GFRA1: variants seen among roughly 807,000 people sequenced by gnomAD.
The protein encoded by GFRA1 is GDNF family receptor alpha 1.
A neutral mutation model predicts 51.6 loss-of-function variants in GFRA1; 16 were observed. The observed-to-expected ratio is 0.31, with a 90% CI of 0.21 to 0.47. The LOEUF is 0.47. Ranked by LOEUF, GFRA1 falls within the 20% of genes least tolerant of loss-of-function variation. The probability of loss-of-function intolerance (pLI) is 1.00; values close to 1 mark genes in which losing one functional copy is unlikely to be tolerated. For synonymous variants in GFRA1, 270 were observed against 241.3 expected (o/e 1.12, Z -1.10); for missense variants, 530 against 594.3 (o/e 0.89, Z 1.13).
At position 116,223,071 on chromosome 10, in the gene GFRA1, C is replaced by A. The variant is rs575864974; in HGVS notation, c.419-11426G>T. Among the ~76,000 whole-genome samples, 35 of 152,144 alleles carry A rather than the reference C, an allele frequency of 2.3e-4. No individual in the cohort carries two copies. The South Asian group carries it at 5.8e-3, about 25-fold the overall frequency. On this transcript the variant is annotated intron_variant, in intron 4 of 10. Transcript: ENST00000355422. ...ATATAAGGGGTCCTGGAATCAATAG[C>A]CCGTGGATACTGAGGAATGACTATA...
rs1160088690 is a variant in GFRA1 at position 116,272,117 on chromosome 10, C to A, written c.-88G>T. On this transcript the variant is annotated 5_prime_UTR_variant, in exon 2 of 11. Coordinates refer to ENST00000355422, the MANE Select transcript of GFRA1 (RefSeq NM_005264.8). This position sits in a 1 kb window ranked among gnomAD's most constrained non-coding sequence, Gnocchi z 4.4. ...CCGAGGGAGCTCAGCGTGCAGCGATCCCCGGACAGCTGTGCTGCTCTGGCC... is the reference window on the plus strand; with the variant it reads ...CCGAGGGAGCTCAGCGTGCAGCGATACCCGGACAGCTGTGCTGCTCTGGCC... 2 of 1,112,050 alleles carry A rather than the reference C, an allele frequency of 1.8e-6. No homozygotes were observed. The highest frequency in any genetic ancestry group is 1.5e-5 in the African/African-American group (1 of 64,938). 68.9% of individuals were successfully genotyped at this position (1,112,050 alleles called of 1,614,324 possible).
At chr10:116,098,510 G>T (rs946540388) in intron 6 of GFRA1, among the ~76,000 whole-genome samples, 12 of 152,304 alleles carry the variant, frequency 7.9e-5, no homozygotes, top group African/African-American at 2.9e-4. Context: ...TCCTGGTCAT[G>T]AAAGTTAATG....
chr10:116,093,674 CTTTG>C, intron 8 of GFRA1, 24 bp downstream of exon 8: 1 of 1,608,720 alleles, frequency 6.2e-7, no homozygotes, highest in South Asian at 1.1e-5. Context: ...GCGTTTGCTC[CTTTG>C]TTTCTTATTT....
At chr10:116,254,319 C>CAAAAAA (rs67848241) in intron 4 of GFRA1, among the ~76,000 whole-genome samples, 2 of 106,568 alleles carry the variant, frequency 1.9e-5, no homozygotes, top group Non-Finnish European at 3.6e-5. Context: ...GAGCCTCTGT[C>CAAAAAA]AAAAAAAAAA....
intron 5 of GFRA1, among the ~76,000 whole-genome samples, chr10:116,158,125 C>T (rs1959346119): frequency 6.6e-6 from 1 of 152,118 alleles, no homozygotes; most frequent in African/African-American, 2.4e-5. Flanking sequence ...TGCAGAACTC[C>T]CATCAGATCA....
At chr10:116,151,511 C>T (rs528124506) in intron 5 of GFRA1, among the ~76,000 whole-genome samples, 2 of 152,250 alleles carry the variant, frequency 1.3e-5, no homozygotes, top group East Asian at 1.9e-4. Flanking sequence ...AGAGAAGTAA[C>T]TTTAGTCATT....
At chr10:116,089,178 G>A (rs772840704) in intron 9 of GFRA1, among the ~76,000 whole-genome samples, 5 of 152,134 alleles carry the variant, frequency 3.3e-5, no homozygotes, top group Non-Finnish European at 7.3e-5. Flanking sequence ...GCGGGGGTTT[G>A]CAGGGCAGCT....
In GFRA1 at chr10:116,133,277, C is replaced by T. The variant is rs2134059830; in HGVS notation, c.434-7720G>A. On this transcript the variant is annotated intron_variant, in intron 5 of 10. Transcript: ENST00000355422. ...TTCAAATTCCACACAGCCATGTTGT[C>T]ACTTTGCAGGTTACGTATTGCTTTC... Among the ~76,000 whole-genome samples, 2 of 152,092 alleles carry T rather than the reference C, an allele frequency of 1.3e-5. 1 individual carries two copies. The highest frequency in any genetic ancestry group is 2.9e-5 in the Non-Finnish European group (2 of 68,038).
At position 116,064,464 on chromosome 10, in the gene GFRA1, C is replaced by T; in HGVS notation, c.1332G>A (p.Leu444=). Residue 444 remains leucine, a synonymous_variant, in exon 11 of 11, where the codon CTG becomes CTA. Transcript: ENST00000355422. ...KSMAAPPSCG[L]SPLLVLVVTA... is the part of the protein sequence containing the mutation. ...TTACCACCAGGACCAGCAGTGGGCT[C>T]AGACCACAGCTTGGAGGAGCAGCCA... The T allele has an allele frequency of 6.2e-7, 1 of 1,612,500 alleles. No homozygotes were observed. The highest frequency in any genetic ancestry group is 1.7e-4 in the Middle Eastern group (1 of 5,818).
In GFRA1 at chr10:116,111,268, C is replaced by CT. The variant is rs1226337575; in HGVS notation, c.770+13952_770+13953insA. On this transcript the variant is annotated intron_variant, in intron 6 of 10. Coordinates refer to ENST00000355422, the MANE Select transcript of GFRA1 (RefSeq NM_005264.8). ...TCTGAGGCCAAGGTCAACTTAGAGACAACAGACTGTCTACTTCTTCATGTG... is the reference window on the plus strand; with the variant it reads ...TCTGAGGCCAAGGTCAACTTAGAGACTAACAGACTGTCTACTTCTTCATGTG... Among the ~76,000 whole-genome samples, 3 of 152,208 alleles carry CT rather than the reference C, an allele frequency of 2.0e-5. No homozygotes were observed. The East Asian group carries it at 5.8e-4, about 29-fold the overall frequency.
At chr10:116,104,782 C>T (rs2133943259) in intron 6 of GFRA1, among the ~76,000 whole-genome samples, 1 of 152,320 alleles carries the variant, frequency 6.6e-6, no homozygotes, top group East Asian at 1.9e-4. Context: ...TTGACAGGTA[C>T]TCTCTACCTG....
intron 4 of GFRA1, among the ~76,000 whole-genome samples, chr10:116,232,485 T>G (rs192044589): frequency 3.2e-4 from 44 of 137,820 alleles, no homozygotes; most frequent in Admixed American, 2.4e-3. Context: ...TTTAAGATAC[T>G]TGAATGTTTC....
chr10:116,140,773 G>T (rs1039942021), intron 5 of GFRA1, among the ~76,000 whole-genome samples: 7 of 152,142 alleles, frequency 4.6e-5, no homozygotes, highest in African/African-American at 1.7e-4. Context: ...GAGTGTTTCC[G>T]CATTTGAGAG....
chr10:116,120,839 C>T (rs1957611933), intron 6 of GFRA1, among the ~76,000 whole-genome samples: 1 of 151,270 alleles, frequency 6.6e-6, no homozygotes, highest in Non-Finnish European at 1.5e-5. Flanking sequence ...GCTGAATGCC[C>T]CAGAAGGGCA....
chr10:116,271,950 A>C lies in GFRA1; in HGVS notation c.40+40T>G, dbSNP rs1387355042. 12 of 1,507,742 alleles carry C rather than the reference A, an allele frequency of 8.0e-6. No individual in the cohort carries two copies. The South Asian group carries it at 1.4e-4, about 18-fold the overall frequency. 93.4% of individuals were successfully genotyped at this position (1,507,742 alleles called of 1,614,324 possible). On this transcript the variant is annotated intron_variant, in intron 2 of 10. Transcript: ENST00000355422. ...GCTGCTGCAAGCGACCCTAGGAAAG[A>C]CTCAGAGGGTAAGAAAGCCCGCGGC... is the stretch of plus-strand genomic sequence containing the variant.
At chr10:116,066,810 C>G (rs868602113) in intron 9 of GFRA1, among the ~76,000 whole-genome samples, 5 of 152,324 alleles carry the variant, frequency 3.3e-5, no homozygotes, top group South Asian at 4.1e-4. Flanking sequence ...GCTTATTTGT[C>G]AACGGGCTGA....
intron 6 of GFRA1, among the ~76,000 whole-genome samples, chr10:116,116,829 A>T (rs568565541): frequency 1.1e-4 from 17 of 152,290 alleles, no homozygotes; most frequent in African/African-American, 4.1e-4. Context: ...AAACGATGCT[A>T]AGAGGCTCTT....
At chr10:116,238,295 C>T (rs1331387475) in intron 4 of GFRA1, among the ~76,000 whole-genome samples, 7 of 152,058 alleles carry the variant, frequency 4.6e-5, no homozygotes, top group Non-Finnish European at 1.0e-4. Context: ...CCAGTGACCT[C>T]GCAAGGTATC....
chr10:116,063,455 GCT>G lies in GFRA1; in HGVS notation c.*941_*942del, dbSNP rs1218306818. On this transcript the variant is annotated 3_prime_UTR_variant, in exon 11 of 11. Coordinates refer to ENST00000355422, the MANE Select transcript of GFRA1 (RefSeq NM_005264.8). Reference sequence around the variant, plus strand: ...GAACACTACTTATGAGGGGAAAGAAGCTCTGTGTATTTTGTATTAAACCATCA... The same window carrying G: ...GAACACTACTTATGAGGGGAAAGAAGCTGTGTATTTTGTATTAAACCATCA... The G allele has an allele frequency of 6.6e-6, 1 of 152,178 alleles. No homozygotes were observed. Among genetic ancestry groups the G allele is most frequent in the East Asian group, 1.9e-4 (1 of 5,190 alleles). 9.4% of individuals were successfully genotyped at this position (152,178 alleles called of 1,614,324 possible).
Sources: gnomAD v4.1 joint callset for allele counts (sites outside exome capture counted in the v4.1 genomes callset) on GRCh38, gnomAD v4.1.1 for gene constraint, Gnocchi (gnomAD v3.1) non-coding constraint, MANE v1.5 for transcripts, NCBI Gene and HGNC (gene_info 2026-07-23, HGNC 2026-07-21) for gene names.